ARL10: variants seen among roughly 807,000 people sequenced by gnomAD.
The protein encoded by ARL10 is ADP-ribosylation factor-like protein 10.
In ARL10, 23 loss-of-function variants were observed where a neutral mutation model predicts 26.1. The ratio of observed to expected loss-of-function variants is 0.88; its 90% CI spans 0.63 to 1.25. The LOEUF is 1.25. Ranked by LOEUF, ARL10 falls within the 50% of genes most tolerant of loss-of-function variation. ARL10 has a pLI of 0.00. For missense variants in ARL10, 300 were observed against 323.6 expected (o/e 0.93, Z 0.56); for synonymous variants, 138 against 149.1 (o/e 0.93, Z 0.54).
In ARL10 at chr5:176,372,999, A is replaced by AT. The variant is rs1768591526; in HGVS notation, c.*1105dup. ...CCACCTGGCTTTGAGGCTGTCGTCG[A>AT]TATCATAGTACTTTACATGGATTCA... On this transcript the variant is annotated 3_prime_UTR_variant, in exon 4 of 4. Coordinates refer to ENST00000310389, the MANE Select transcript of ARL10 (RefSeq NM_173664.6). The AT allele has an allele frequency of 2.5e-6, 1 of 398,510 alleles. No homozygotes were observed. The highest frequency in any genetic ancestry group is 4.4e-6 in the Non-Finnish European group (1 of 226,072). The allele number at this position is 398,510 out of a possible 1,614,324, so 24.7% of individuals were successfully genotyped here.
chr5:176,367,335 G>C (rs1768353471), intron 2 of ARL10, among the ~76,000 whole-genome samples: 1 of 151,262 alleles, frequency 6.6e-6, no homozygotes, highest in South Asian at 2.1e-4. Flanking sequence ...TTTGGAGACA[G>C]GGTCTCTGTC....
chr5:176,388,646 G>A, downstream of ARL10: 1 of 1,348,012 alleles, frequency 7.4e-7, no homozygotes, highest in Non-Finnish European at 1.0e-6. Context: ...GGGCATTTGG[G>A]GAAATGTAGT....
rs1768256569 is a variant in ARL10, at chr5:176,365,646, G to A, written c.83G>A (p.Trp28Ter). The A allele has an allele frequency of 8.0e-7, 1 of 1,257,604 alleles. No individual in the cohort carries two copies. Among genetic ancestry groups the A allele is most frequent in the East Asian group, 3.1e-5 (1 of 31,972 alleles). The allele number at this position is 1,257,604 out of a possible 1,614,324, so 77.9% of individuals were successfully genotyped here. A position where few individuals can be genotyped will look rare whatever the true frequency, so the allele number is the denominator to read the frequency against. The change falls in exon 1 of 4, where the codon TGG (tryptophan) becomes TAG (stop). Residue 28 changes from tryptophan to a stop codon, truncating the protein, a stop_gained. Transcript: ENST00000310389. LOFTEE classifies it high-confidence loss of function. ...CTGGGCTCGGTGCTCTTCATCCTCTGGAAGACCTACTTCGGCCGCGGCCGA... is the reference window on the plus strand; with the variant it reads ...CTGGGCTCGGTGCTCTTCATCCTCTAGAAGACCTACTTCGGCCGCGGCCGA... ...AVLGSVLFIL[W>*]KTYFGRGRER... is the part of the protein sequence containing the mutation.
intron 3 of ARL10, 152 bp downstream of exon 3, chr5:176,369,134 CCT>C (rs1438333583): frequency 6.5e-7 from 1 of 1,535,160 alleles, no homozygotes; most frequent in African/African-American, 1.4e-5. Context: ...CTGATCCCTG[CCT>C]CTGTCTTCCT....
intron 1 of ARL10, among the ~76,000 whole-genome samples, chr5:176,394,936 G>C (rs1756448492): frequency 6.6e-6 from 1 of 152,088 alleles, no homozygotes; most frequent in African/African-American, 2.4e-5. Flanking sequence ...GTATTCCACA[G>C]CACCCATGCC....
At chr5:176,399,636 G>C (rs1240517803) in intron 1 of ARL10, among the ~76,000 whole-genome samples, 1 of 152,134 alleles carries the variant, frequency 6.6e-6, no homozygotes, top group Admixed American at 6.5e-5. Flanking sequence ...GCTCACGCCT[G>C]TAATTCCAGC....
chr5:176,393,077 A>G, downstream of ARL10: 1 of 1,003,212 alleles, frequency 1.0e-6, no homozygotes, highest in Non-Finnish European at 1.5e-6. The surrounding 1 kb of genome is among the most constrained non-coding windows in gnomAD (Gnocchi z 4.4). Flanking sequence ...CTGACTTCAG[A>G]GGAGGGCAGC....
At position 176,381,411 on chromosome 5, in the gene ARL10, A is replaced by G. The variant is rs997935718; in HGVS notation, c.*9516A>G. 2 of 152,212 alleles carry G rather than the reference A, an allele frequency of 1.3e-5. No individual in the cohort carries two copies. The highest frequency in any genetic ancestry group is 6.5e-5 in the Admixed American group (1 of 15,278). 9.4% of individuals were successfully genotyped at this position (152,212 alleles called of 1,614,324 possible). The stretch of plus-strand genomic sequence containing the variant: ...TTATACTTTGGATCCTACTTCTGAC[A>G]CCAGTTTGTTAAAAGAAAAATTTTA... On this transcript the variant is annotated 3_prime_UTR_variant, in exon 4 of 4. Transcript: ENST00000310389.
chr5:176,369,641 C>T (rs1308819776), intron 3 of ARL10, among the ~76,000 whole-genome samples: 1 of 152,052 alleles, frequency 6.6e-6, no homozygotes, highest in Non-Finnish European at 1.5e-5. Flanking sequence ...TATAATCTTT[C>T]CAAGGTTGTA....
chr5:176,397,767 A>G, intron 1 of ARL10: 2 of 1,571,400 alleles, frequency 1.3e-6, no homozygotes, highest in Non-Finnish European at 1.8e-6. Context: ...TGGGATGCAC[A>G]GGCCCGGCCG....
At chr5:176,394,457 A>G (rs1756399226) in intron 1 of ARL10, among the ~76,000 whole-genome samples, 1 of 152,046 alleles carries the variant, frequency 6.6e-6, no homozygotes, top group East Asian at 1.9e-4. Context: ...GGATCACTTG[A>G]GGTCAGGAGT....
In ARL10 at chr5:176,373,423, AT is replaced by A. The variant is rs566053106; in HGVS notation, c.*1538del. On this transcript the variant is annotated 3_prime_UTR_variant, in exon 4 of 4. Transcript: ENST00000310389. Reference sequence around the variant, plus strand: ...CCACTAAATCAACAACCACAAATGGATTTTTTTTTTAAGAGGAGCTGTGCAC... The same window carrying A: ...CCACTAAATCAACAACCACAAATGGATTTTTTTTTAAGAGGAGCTGTGCAC... 859 of 185,596 alleles carry A rather than the reference AT, an allele frequency of 4.6e-3. No individual in the cohort carries two copies. Among genetic ancestry groups the A allele is most frequent in the Middle Eastern group, 0.012 (6 of 514 alleles). 11.5% of individuals were successfully genotyped at this position (185,596 alleles called of 1,614,324 possible).
At position 176,371,806 on chromosome 5, in the gene ARL10, T is replaced by C. The variant is rs1479844595; in HGVS notation, c.646T>C (p.Leu216=). 2 of 1,614,218 alleles carry C rather than the reference T, an allele frequency of 1.2e-6. No individual in the cohort carries two copies. The highest frequency in any genetic ancestry group is 2.2e-5 in the East Asian group (1 of 44,866). ...CGATAACCAGCGGGAGGTTTTCCTC[T>C]TGGCAGCCAGCATTGCCCCTGCAGG... The part of the protein sequence containing the change: ...AIDNQREVFL[L]AASIAPAGPT... Residue 216 remains leucine, a synonymous_variant, in exon 4 of 4, where the codon TTG becomes CTG. Coordinates refer to ENST00000310389, the MANE Select transcript of ARL10 (RefSeq NM_173664.6).
At chr5:176,407,173 C>T in the ARL10 span, among the ~76,000 whole-genome samples, 2 of 152,100 alleles carry the variant, frequency 1.3e-5, no homozygotes, top group African/African-American at 4.8e-5. Flanking sequence ...AGGGAGAAGG[C>T]GGGGGGCCAA....
downstream of ARL10, chr5:176,389,051 C>T (rs979183695): frequency 2.1e-5 from 32 of 1,558,584 alleles, no homozygotes; most frequent in African/African-American, 2.7e-5. Flanking sequence ...GACCAGAGCG[C>T]TAGCGGGGAG....
chr5:176,412,181 A>C, the ARL10 span, among the ~76,000 whole-genome samples: 2 of 151,778 alleles, frequency 1.3e-5, no homozygotes, highest in Non-Finnish European at 2.9e-5. Flanking sequence ...TCTCAAAAAA[A>C]AAAAAAAAAA....
chr5:176,402,115 CA>C (rs1478548998), downstream of ARL10, among the ~76,000 whole-genome samples: 2 of 152,126 alleles, frequency 1.3e-5, no homozygotes, highest in Non-Finnish European at 2.9e-5. Flanking sequence ...CCACCCTGGG[CA>C]ACGTGGTAAA....
rs758544478 is a variant in ARL10 at position 176,365,635 on chromosome 5, C to T, written c.72C>T (p.Leu24=). The change falls in exon 1 of 4, where the codon CTC becomes CTT. Residue 24 remains leucine (L), a synonymous_variant. Coordinates refer to ENST00000310389, the MANE Select transcript of ARL10 (RefSeq NM_173664.6). ...CCGCGGCGGTGCTGGGCTCGGTGCT[C>T]TTCATCCTCTGGAAGACCTACTTCG... The part of the protein sequence containing the change: ...GGAAAVLGSV[L]FILWKTYFGR... 1.4e-5 allele frequency: 18 copies of T among 1,260,268 alleles called. No homozygotes were observed. The East Asian group carries it at 5.6e-4, about 39-fold the overall frequency. The allele number at this position is 1,260,268 out of a possible 1,614,324, so 78.1% of individuals were successfully genotyped here.
chr5:176,388,227 G>A (rs937262782), intron 1 of ARL10: 20 of 1,596,914 alleles, frequency 1.3e-5, no homozygotes, highest in Non-Finnish European at 1.6e-5. Context: ...ACCCTGCCAT[G>A]TCAGTACCTT....
Sources: allele counts gnomAD v4.1 joint callset (sites outside exome capture counted in the v4.1 genomes callset), GRCh38; gene constraint gnomAD v4.1.1; non-coding constraint Gnocchi (gnomAD v3.1); transcripts MANE v1.5; gene names NCBI Gene and HGNC (gene_info 2026-07-23, HGNC 2026-07-21).